Variants in AFM observed in about 807,000 individuals in gnomAD.
The protein encoded by AFM is alpha-Alb.
AFM carries 82 observed loss-of-function variants against 68.7 expected under a neutral mutation model. The ratio of observed to expected loss-of-function variants is 1.19; its 90% confidence interval spans 1.00 to 1.43. The LOEUF is 1.43. Ranked by LOEUF, AFM falls within the 40% of genes most tolerant of loss-of-function variation. AFM has a pLI of 0.00. For missense variants in AFM, 772 were observed against 701.8 expected, an observed-to-expected ratio of 1.10 and a Z score of -1.13; for synonymous variants, 250 against 234.2, an observed-to-expected ratio of 1.07 and a Z score of -0.61.
At position 73,500,073 on chromosome 4, in the gene AFM, T is replaced by A. The variant is rs138149027; in HGVS notation, c.1492T>A (p.Cys498Ser). The A allele has an allele frequency of 9.5e-5, 153 of 1,613,980 alleles. 1 individual carries two copies. The highest frequency in any genetic ancestry group is 4.8e-4 in the Admixed American group (29 of 59,984). The change falls in exon 12 of 15, where the codon TGC becomes AGC. Residue 498 changes from cysteine to serine, a missense_variant. By Grantham distance (112) the Cys-to-Ser change is moderately radical (BLOSUM62 -1). Coordinates refer to ENST00000226355, the MANE Select transcript of AFM (RefSeq NM_001133.2). ...AACTATCAACCCTGCTGTGGACCACTGCTGTAAAACAAACTTTGCCTTCAG... is the reference window on the plus strand; with the variant it reads ...AACTATCAACCCTGCTGTGGACCACAGCTGTAAAACAAACTTTGCCTTCAG... ...NRTINPAVDH[C>S]CKTNFAFRRP...
chr4:73,486,003 C>G lies in AFM; in HGVS notation c.412C>G (p.Pro138Ala). The G allele has an allele frequency of 2.5e-6, 4 of 1,613,962 alleles. No individual in the cohort carries two copies. The highest frequency in any genetic ancestry group is 2.2e-5 in the South Asian group (2 of 91,074). ...NKKSDVGFLP[P>A]FPTLDPEEKC... Reference sequence around the variant, plus strand: ...GAAATCTGATGTGGGATTTCTGCCTCCTTTCCCTACCCTGGATCCCGAAGA... The same window carrying G: ...GAAATCTGATGTGGGATTTCTGCCTGCTTTCCCTACCCTGGATCCCGAAGA... The change falls in exon 4 of 15, where the codon CCT becomes GCT. Residue 138 changes from proline to alanine, a missense_variant. Coordinates refer to ENST00000226355, the MANE Select transcript of AFM (RefSeq NM_001133.2).
intron 3 of AFM, among the ~76,000 whole-genome samples, chr4:73,485,540 CAAGGAG>C (rs1173513571): frequency 1.4e-5 from 2 of 143,900 alleles, no homozygotes; most frequent in African/African-American, 2.6e-5. Flanking sequence ...AAGCAGAAAA[CAAGGAG>C]AAGGAGAAGG....
intron 9 of AFM, among the ~76,000 whole-genome samples, chr4:73,496,903 G>T (rs571658215): frequency 6.6e-6 from 1 of 151,610 alleles, no homozygotes; most frequent in East Asian, 1.9e-4. Flanking sequence ...TTTTTCACTT[G>T]CCACAAACAC....
At chr4:73,490,727 T>C (rs1577975963) in intron 7 of AFM, among the ~76,000 whole-genome samples, 2 of 152,334 alleles carry the variant, frequency 1.3e-5, no homozygotes, top group South Asian at 4.1e-4. Context: ...AGGGATTATG[T>C]CTCAAATTTC....
chr4:73,484,507 ATTCTTTCTTTC>A (rs1560408202), intron 3 of AFM, 117 bp downstream of exon 3: 8 of 440,542 alleles, frequency 1.8e-5, no homozygotes, highest in Middle Eastern at 6.3e-4. Flanking sequence ...TCTTTCTTTC[ATTCTTTCTTTC>A]TTCTTTCTTT....
Position 73,483,998 on chromosome 4 carries a change from T to C in AFM, c.137+9T>C. The C allele has an allele frequency of 6.6e-7, 1 of 1,510,052 alleles. No individual in the cohort carries two copies. 93.5% of individuals were successfully genotyped at this position (1,510,052 alleles called of 1,614,324 possible). On this transcript the variant is annotated intron_variant, in intron 2 of 14. Coordinates refer to ENST00000226355, the MANE Select transcript of AFM (RefSeq NM_001133.2). ...GATAATATTGAATACATGTGAGTTGTGCTAAATACTTTTTGATGATGATTT... is the reference window on the plus strand; with the variant it reads ...GATAATATTGAATACATGTGAGTTGCGCTAAATACTTTTTGATGATGATTT...
intron 8 of AFM, 49 bp downstream of exon 8, chr4:73,492,135 T>A: frequency 6.6e-7 from 1 of 1,507,260 alleles, no homozygotes; most frequent in Non-Finnish European, 9.0e-7. Context: ...AAGAAACTTA[T>A]AAGATTTGAC....
rs183523121 is a variant in AFM at position 73,489,793 on chromosome 4, G to A, written c.843+1034G>A. Among the ~76,000 whole-genome samples, 342 of 152,308 alleles carry A rather than the reference G, an allele frequency of 2.2e-3. 2 individuals are homozygous for A. Among genetic ancestry groups the A allele is most frequent in the African/African-American group, 8.0e-3 (334 of 41,560 alleles). ...CAATGAGAACACATGGACACAGGGA[G>A]GGGAACAACACAGGCCAGGGCCTGT... On this transcript the variant is annotated intron_variant, in intron 7 of 14. Coordinates refer to ENST00000226355, the MANE Select transcript of AFM (RefSeq NM_001133.2).
chr4:73,482,104 A>G (rs1422933591), intron 1 of AFM, among the ~76,000 whole-genome samples: 1 of 152,236 alleles, frequency 6.6e-6, no homozygotes. Context: ...TCAGCAGTCT[A>G]TGACAGGACA....
chr4:73,483,356 T>C (rs1397516947), intron 1 of AFM, among the ~76,000 whole-genome samples: 2 of 152,260 alleles, frequency 1.3e-5, no homozygotes, highest in Non-Finnish European at 2.9e-5. Flanking sequence ...TTAGTCATTG[T>C]TGATTGCTTC....
At chr4:73,484,040 T>C in intron 2 of AFM, 51 bp downstream of exon 2, 2 of 1,460,228 alleles carry the variant, frequency 1.4e-6, no homozygotes, top group Non-Finnish European at 1.9e-6. Context: ...TGATATATTC[T>C]AGAAATGTTA....
intron 5 of AFM, among the ~76,000 whole-genome samples, 195 bp from the exon 6 acceptor site, chr4:73,487,529 G>T (rs535684909): frequency 2.2e-4 from 33 of 152,156 alleles, no homozygotes; most frequent in Non-Finnish European, 4.1e-4. Context: ...TCAATCATCA[G>T]CAAGACTGGT....
chr4:73,490,281 G>A (rs894602206), intron 7 of AFM, among the ~76,000 whole-genome samples: 2 of 151,888 alleles, frequency 1.3e-5, no homozygotes, highest in African/African-American at 4.8e-5. Context: ...TTAGGGTATT[G>A]AGAAATGTTT....
At chr4:73,486,773 T>C (rs1045163285) in intron 4 of AFM, among the ~76,000 whole-genome samples, 194 bp from the exon 5 acceptor site, 1 of 152,200 alleles carries the variant, frequency 6.6e-6, no homozygotes, top group Non-Finnish European at 1.5e-5. Flanking sequence ...CTGCCTTATA[T>C]TGAAGTTTTC....
chr4:73,486,040 C>G lies in AFM; in HGVS notation c.449C>G (p.Ala150Gly). Reference protein sequence around the residue: ...PTLDPEEKCQAYESNRESLLN... With the variant: ...PTLDPEEKCQGYESNRESLLN... ...CTGGATCCCGAAGAGAAATGCCAGG[C>G]TTATGAAAGTAACAGAGAATCCCTT... Residue 150 changes from alanine to glycine, a missense_variant, in exon 4 of 15, where the codon GCT (alanine) becomes GGT (glycine). Physicochemically the swap from Ala to Gly is moderately conservative, Grantham distance 60. Transcript: ENST00000226355. The G allele has an allele frequency of 6.2e-7, 1 of 1,613,900 alleles. No individual in the cohort carries two copies. The highest frequency in any genetic ancestry group is 8.5e-7 in the Non-Finnish European group (1 of 1,179,846).
At chr4:73,493,015 G>A (rs987914943) in intron 8 of AFM, among the ~76,000 whole-genome samples, 1 of 152,020 alleles carries the variant, frequency 6.6e-6, no homozygotes, top group African/African-American at 2.4e-5. Context: ...TAATGCAGGG[G>A]AACAGAAGAA....
Position 73,500,143 on chromosome 4 carries a change from C to T in AFM, c.1562C>T (p.Pro521Leu), listed in dbSNP as rs1721388194. The change falls in exon 12 of 15, where the codon CCT (proline) becomes CTT (leucine). Residue 521 changes from proline to leucine, a missense_variant. By Grantham distance (98) the Pro-to-Leu change is moderately conservative (BLOSUM62 -3). Transcript: ENST00000226355. ...TTGAAAGCTGATAAAACATATGTGCCTCCACCTTTCTCTCAAGATTTATTT... is the reference window on the plus strand; with the variant it reads ...TTGAAAGCTGATAAAACATATGTGCTTCCACCTTTCTCTCAAGATTTATTT... ...ESLKADKTYV[P>L]PPFSQDLFTF... The T allele has an allele frequency of 6.2e-7, 1 of 1,613,950 alleles. No individual in the cohort carries two copies. Among genetic ancestry groups the T allele is most frequent in the Non-Finnish European group, 8.5e-7 (1 of 1,179,948 alleles).
At chr4:73,495,979 A>C (rs1434621984) in intron 9 of AFM, among the ~76,000 whole-genome samples, 1 of 152,222 alleles carries the variant, frequency 6.6e-6, no homozygotes, top group Non-Finnish European at 1.5e-5. Flanking sequence ...GATTGGCATA[A>C]TTCCTAGAAA....
At chr4:73,483,862 A>T in intron 1 of AFM, 79 bp from the exon 2 acceptor site, 1 of 1,220,486 alleles carries the variant, frequency 8.2e-7, no homozygotes, top group Non-Finnish European at 1.1e-6. Flanking sequence ...TTATACACTT[A>T]AATGCCATGT....
Sources: allele counts gnomAD v4.1 joint callset (sites outside exome capture counted in the v4.1 genomes callset), GRCh38; gene constraint gnomAD v4.1.1; transcripts MANE v1.5; gene names NCBI Gene and HGNC (gene_info 2026-07-23, HGNC 2026-07-21).